Variants in LIPA observed in about 807,000 individuals in gnomAD.
LIPA encodes lipase A, lysosomal acid type.
Under a neutral mutation model 40.6 loss-of-function variants are expected in LIPA, and 26 were observed. That is an observed-to-expected ratio of 0.64 (90% confidence interval 0.47 to 0.89). LIPA has a LOEUF of 0.89. Among genes scored for constraint, LIPA ranks in the 40% least tolerant of loss-of-function variants. The probability of loss-of-function intolerance (pLI) is 0.00; values close to 1 mark genes in which losing one functional copy is unlikely to be tolerated. For synonymous variants in LIPA, 188 were observed against 168.4 expected (o/e 1.12, Z -0.90); for missense variants, 455 against 479.6 (o/e 0.95, Z 0.48).
chr10:89,334,600 A>G (rs1385248154), intron 1 of LIPA, among the ~76,000 whole-genome samples: 1 of 71,382 alleles, frequency 1.4e-5, no homozygotes, highest in Non-Finnish European at 2.1e-5. Context: ...GTTTCAAGCA[A>G]TTCTGCCTCG....
At chr10:89,410,332 C>G (rs1030689055) in intron 2 of LIPA, among the ~76,000 whole-genome samples, 2 of 152,178 alleles carry the variant, frequency 1.3e-5, no homozygotes, top group African/African-American at 4.8e-5. Flanking sequence ...TACCTATATG[C>G]GTGGCCCTCA....
chr10:89,348,383 C>T (rs1440610368), intron 2 of LIPA, among the ~76,000 whole-genome samples: 2 of 152,158 alleles, frequency 1.3e-5, no homozygotes, highest in Non-Finnish European at 1.5e-5. Flanking sequence ...CCCATTCTCA[C>T]GCAGATCTTT....
chr10:89,247,437 G>T, intron 2 of LIPA, 101 bp downstream of exon 2: 2 of 629,088 alleles, frequency 3.2e-6, no homozygotes, highest in Non-Finnish European at 5.9e-6. Flanking sequence ...AAGCAAAGGA[G>T]TTATAAAGAG....
At chr10:89,354,531 C>T (rs1013908764) in intron 2 of LIPA, among the ~76,000 whole-genome samples, 39 of 152,256 alleles carry the variant, frequency 2.6e-4, no homozygotes, top group East Asian at 1.7e-3. Flanking sequence ...GTATTCAAGT[C>T]GTTCTCCTTC....
At chr10:89,307,382 G>C (rs1172475052) in intron 1 of LIPA, 49 of 1,583,486 alleles carry the variant, frequency 3.1e-5, no homozygotes, top group Non-Finnish European at 4.0e-5. Context: ...ATGAAGAATA[G>C]AGATGTGGTG....
upstream of LIPA, among the ~76,000 whole-genome samples, chr10:89,347,257 A>G (rs970100211): frequency 6.6e-6 from 1 of 152,238 alleles, no homozygotes; most frequent in Non-Finnish European, 1.5e-5. Flanking sequence ...AAATTGTGAC[A>G]ACACATGTGA....
rs148418062 is a variant in LIPA at position 89,329,724 on chromosome 10, G to T, written c.-2+12887C>A. 1.1e-4 allele frequency among the ~76,000 whole-genome samples: 17 copies of T among 152,252 alleles called. 1 individual carries two copies. The highest frequency in any genetic ancestry group is 7.4e-5 in the Non-Finnish European group (5 of 68,022). On this transcript the variant is annotated intron_variant, in intron 1 of 5. Transcript: ENST00000282673. ...TTATAACACAAATATATTAGTACCA[G>T]CAATCATGGTGGTAACATTTCTTTG...
intron 2 of LIPA, among the ~76,000 whole-genome samples, chr10:89,359,421 GT>G (rs1279130281): frequency 6.6e-6 from 1 of 152,194 alleles, no homozygotes; most frequent in African/African-American, 2.4e-5. Context: ...TCCTATTTTT[GT>G]TAACTGCATT....
chr10:89,405,437 G>A (rs933476482), intron 2 of LIPA: 4 of 152,132 alleles, frequency 2.6e-5, no homozygotes, highest in African/African-American at 9.7e-5. Flanking sequence ...TATGTTTTGG[G>A]GGGAATATAC....
At chr10:89,349,827 G>C (rs1843947091) in intron 2 of LIPA, among the ~76,000 whole-genome samples, 1 of 152,136 alleles carries the variant, frequency 6.6e-6, no homozygotes, top group African/African-American at 2.4e-5. Context: ...TTTGACATAA[G>C]AATTATTTTG....
In LIPA at chr10:89,270,523, C is replaced by G. The variant is rs139327705; in HGVS notation, c.-1-22874G>C. Among the ~76,000 whole-genome samples, 48 of 152,300 alleles carry G rather than the reference C, an allele frequency of 3.2e-4. No homozygotes were observed. In the East Asian group the frequency reaches 8.7e-3, roughly 28 times the overall value. ...ATTTTCTGGAGCATGTTGATATATC[C>G]TTTCCAATATGAAGGATACATTTCT... is the stretch of plus-strand genomic sequence containing the variant. On this transcript the variant is annotated intron_variant, in intron 1 of 5. Coordinates refer to the LIPA transcript ENST00000282673.
At chr10:89,360,188 G>A (rs2133591482) in intron 2 of LIPA, among the ~76,000 whole-genome samples, 1 of 152,218 alleles carries the variant, frequency 6.6e-6, no homozygotes, top group African/African-American at 2.4e-5. Flanking sequence ...GGAACCTGGA[G>A]GATTTTAAGT....
At chr10:89,393,214 C>T (rs1488603078) in intron 2 of LIPA, 9 of 1,289,918 alleles carry the variant, frequency 7.0e-6, no homozygotes, top group Middle Eastern at 2.1e-4. Flanking sequence ...GTAGGAAAAG[C>T]TCACAGCCTT....
intron 1 of LIPA, chr10:89,293,456 C>T (rs570358082): frequency 5.9e-5 from 9 of 152,154 alleles, no homozygotes; most frequent in Non-Finnish European, 1.0e-4. Context: ...CTTTTTTTTC[C>T]CCATGGACTT....
chr10:89,331,858 CA>C (rs10540155), intron 1 of LIPA, among the ~76,000 whole-genome samples: 5,218 of 80,618 alleles, frequency 0.065, 109 homozygotes, highest in African/African-American at 0.14. Flanking sequence ...GATCCTGTCT[CA>C]AAAAAAAAAA....
chr10:89,382,153 AT>A (rs1371592789), intron 2 of LIPA, among the ~76,000 whole-genome samples: 7 of 152,078 alleles, frequency 4.6e-5, no homozygotes, highest in Non-Finnish European at 7.3e-5. Context: ...ATATTATATT[AT>A]ATTATGGTTA....
At chr10:89,402,341 A>G in intron 2 of LIPA, 1 of 1,614,184 alleles carries the variant, frequency 6.2e-7, no homozygotes, top group Non-Finnish European at 8.5e-7. Context: ...GTCACTTTAC[A>G]TGGGAGTTAT....
chr10:89,339,377 C>T, intron 1 of LIPA: 3 of 1,614,078 alleles, frequency 1.9e-6, no homozygotes, highest in Non-Finnish European at 2.5e-6. Context: ...CCTTGCCAAA[C>T]AGATGTCCTC....
At chr10:89,300,608 T>A (rs1382346279) in intron 1 of LIPA, among the ~76,000 whole-genome samples, 1 of 152,088 alleles carries the variant, frequency 6.6e-6, no homozygotes, top group Non-Finnish European at 1.5e-5. Context: ...CATAAGGAGA[T>A]GTTAGGAATT....
Sources: allele counts gnomAD v4.1 joint callset (sites outside exome capture counted in the v4.1 genomes callset), GRCh38; gene constraint gnomAD v4.1.1; transcripts MANE v1.5; gene names NCBI Gene and HGNC (gene_info 2026-07-23, HGNC 2026-07-21).